The following PRKG1 variants were observed in gnomAD, a reference collection of about 807,000 sequenced individuals.
The protein encoded by PRKG1 is cGMP-dependent protein kinase 1.
A neutral mutation model predicts 88.1 loss-of-function variants in PRKG1; 35 were observed. The ratio of observed to expected loss-of-function variants is 0.40; its 90% CI spans 0.30 to 0.53. The LOEUF is 0.53. Ranked by LOEUF, PRKG1 falls within the 20% of genes least tolerant of loss-of-function variation. PRKG1 has a pLI of 0.59. For synonymous variants in PRKG1, 303 were observed against 292.5 expected, an observed-to-expected ratio of 1.04 and a Z score of -0.37; for missense variants, 540 against 839.8, an observed-to-expected ratio of 0.64 and a Z score of 4.41.
At chr10:52,226,177 C>G (rs1323974920) in intron 9 of PRKG1, among the ~76,000 whole-genome samples, 2 of 152,022 alleles carry the variant, frequency 1.3e-5, no homozygotes, top group Non-Finnish European at 2.9e-5. Context: ...AAAACATAGA[C>G]AATTTGAATA....
intron 3 of PRKG1, among the ~76,000 whole-genome samples, chr10:51,578,004 G>A (rs777769516): frequency 3.9e-5 from 6 of 152,010 alleles, no homozygotes; most frequent in South Asian, 2.1e-4. Context: ...TTTGTTGTTC[G>A]TTAGGATTCT....
At chr10:51,393,988 A>G (rs1837509006) in intron 2 of PRKG1, among the ~76,000 whole-genome samples, 1 of 152,216 alleles carries the variant, frequency 6.6e-6, no homozygotes, top group African/African-American at 2.4e-5. Context: ...AAATTCAAGT[A>G]CAGGAGTAGC....
intron 3 of PRKG1, among the ~76,000 whole-genome samples, chr10:51,645,178 CT>C: frequency 1.3e-5 from 2 of 152,244 alleles, no homozygotes; most frequent in South Asian, 4.1e-4. Flanking sequence ...ACATGTTTAT[CT>C]TTTTCCCTTA....
chr10:52,093,007 G>GT (rs1410456211), intron 7 of PRKG1, among the ~76,000 whole-genome samples: 1 of 152,140 alleles, frequency 6.6e-6, no homozygotes, highest in Non-Finnish European at 1.5e-5. Flanking sequence ...TATTAGCAAT[G>GT]TGAGTGTGAC....
At chr10:51,364,384 A>T (rs1842547165) in intron 2 of PRKG1, among the ~76,000 whole-genome samples, 1 of 152,018 alleles carries the variant, frequency 6.6e-6, no homozygotes, top group Non-Finnish European at 1.5e-5. Context: ...CAGAGATATG[A>T]CATCACAAAA....
At chr10:52,288,908 T>A in intron 15 of PRKG1, 23 bp from the exon 16 acceptor site, 1 of 1,598,612 alleles carries the variant, frequency 6.3e-7, no homozygotes, top group Non-Finnish European at 8.5e-7. Flanking sequence ...TTAGATTTAA[T>A]AAAACCATTA....
chr10:51,542,845 C>T (rs1842342582), intron 3 of PRKG1, among the ~76,000 whole-genome samples: 1 of 152,154 alleles, frequency 6.6e-6, no homozygotes, highest in Admixed American at 6.5e-5. Flanking sequence ...CTATCTGGAC[C>T]TCTTACCACG....
intron 7 of PRKG1, among the ~76,000 whole-genome samples, chr10:52,120,740 GCT>G (rs1847801614): frequency 6.6e-6 from 1 of 152,126 alleles, no homozygotes; most frequent in African/African-American, 2.4e-5. Flanking sequence ...CTGTGTCTTT[GCT>G]GGCTTTAGTC....
intron 2 of PRKG1, among the ~76,000 whole-genome samples, chr10:51,219,555 A>C (rs958620715): frequency 3.3e-5 from 5 of 151,706 alleles, no homozygotes; most frequent in Non-Finnish European, 4.4e-5. Context: ...TAAAAATACA[A>C]AAAAATTACC....
chr10:51,015,322 T>G (rs961507813), intron 1 of PRKG1, among the ~76,000 whole-genome samples: 5 of 152,244 alleles, frequency 3.3e-5, no homozygotes, highest in African/African-American at 1.2e-4. Context: ...AAACCTACTA[T>G]GTTCAAGATA....
In PRKG1 at chr10:52,017,626, A is replaced by T. The variant is rs552530864; in HGVS notation, c.763-36858A>T. Among the ~76,000 whole-genome samples, 3 of 152,308 alleles carry T rather than the reference A, an allele frequency of 2.0e-5. No homozygotes were observed. The East Asian group carries it at 5.8e-4, about 29-fold the overall frequency. On this transcript the variant is annotated intron_variant, in intron 5 of 17. Transcript: ENST00000373980. The stretch of plus-strand genomic sequence containing the variant: ...AGAATTTGATGGGATATAGATAAAA[A>T]GTTTAGATATGATACTTGCAAAATG...
At chr10:51,844,193 A>G (rs1264737642) in intron 4 of PRKG1, among the ~76,000 whole-genome samples, 1 of 152,186 alleles carries the variant, frequency 6.6e-6, no homozygotes, top group African/African-American at 2.4e-5. Flanking sequence ...GATGGCAATC[A>G]TGAGCCATAA....
At chr10:51,605,388 TC>T (rs1838737679) in intron 3 of PRKG1, among the ~76,000 whole-genome samples, 1 of 152,160 alleles carries the variant, frequency 6.6e-6, no homozygotes, top group African/African-American at 2.4e-5. Context: ...ACCTAGCACT[TC>T]CCTGCCCCAC....
At position 52,271,225 on chromosome 10, in the gene PRKG1, T is replaced by A. The variant is rs1589749476; in HGVS notation, c.1174-125T>A. The A allele has an allele frequency of 1.1e-5, 10 of 929,848 alleles. 1 individual carries two copies. In the South Asian group the frequency reaches 2.1e-4, roughly 20 times the overall value. 57.6% of individuals were successfully genotyped at this position (929,848 alleles called of 1,614,324 possible). ...AAACGCAGCTCTACCAAGGATTTAC[T>A]GTGTTTTGACTTGGGAGGTGGCTGA... is the stretch of plus-strand genomic sequence containing the variant. On this transcript the variant is annotated intron_variant, in intron 10 of 17. Transcript: ENST00000373980.
intron 5 of PRKG1, among the ~76,000 whole-genome samples, chr10:51,939,483 C>G (rs1256792355): frequency 6.6e-6 from 1 of 151,958 alleles, no homozygotes; most frequent in African/African-American, 2.4e-5. Context: ...AAGTAAAGCA[C>G]AGGCTTAACA....
rs541987250 is a variant in PRKG1 at position 51,165,423 on chromosome 10, G to T, written c.478+12093G>T. Among the ~76,000 whole-genome samples the T allele has an allele frequency of 9.9e-3, 1,497 of 151,956 alleles. 36 individuals are homozygous for T. The highest frequency in any genetic ancestry group is 0.034 in the African/African-American group (1,409 of 41,378). ...GCACTAAACATGGAAAGGAACAACC[G>T]GTACCAGCCACTGCAAAATCATGCC... is the stretch of plus-strand genomic sequence containing the variant. On this transcript the variant is annotated intron_variant, in intron 2 of 17. Coordinates refer to ENST00000373980, the MANE Select transcript of PRKG1 (RefSeq NM_006258.4).
chr10:51,843,468 A>G (rs1170785506), intron 4 of PRKG1, among the ~76,000 whole-genome samples: 1 of 152,206 alleles, frequency 6.6e-6, no homozygotes, highest in Non-Finnish European at 1.5e-5. Flanking sequence ...GCTTGTTTTC[A>G]ACATTATGTC....
At chr10:51,710,625 A>T (rs918432240) in intron 3 of PRKG1, among the ~76,000 whole-genome samples, 2 of 152,254 alleles carry the variant, frequency 1.3e-5, no homozygotes, top group African/African-American at 2.4e-5. Flanking sequence ...TTAACCTTAA[A>T]GCGTAATTTC....
intron 2 of PRKG1, among the ~76,000 whole-genome samples, chr10:51,404,175 C>A (rs1837838184): frequency 6.6e-6 from 1 of 152,206 alleles, no homozygotes. Flanking sequence ...CTCAAATCTG[C>A]ATCAAGAGTA....
Sources: allele counts gnomAD v4.1 joint callset (sites outside exome capture counted in the v4.1 genomes callset), GRCh38; gene constraint gnomAD v4.1.1; transcripts MANE v1.5; gene names NCBI Gene and HGNC (gene_info 2026-07-23, HGNC 2026-07-21).